ARAF: variants seen among roughly 807,000 people sequenced by gnomAD.
ARAF encodes the protein A-Raf proto-oncogene, serine/threonine kinase.
Under a neutral mutation model 48.0 loss-of-function variants are expected in ARAF, and 18 were observed. That is an observed-to-expected ratio of 0.37 (90% CI 0.26 to 0.56). The LOEUF (loss-of-function observed/expected upper bound fraction) is 0.56, where lower values mean the gene tolerates loss of function less well. Among genes scored for constraint, ARAF ranks in the 20% least tolerant of loss-of-function variants. ARAF has a pLI of 0.77. For synonymous variants in ARAF, 207 were observed against 220.1 expected (o/e 0.94, Z 0.53); for missense variants, 389 against 543.1 (o/e 0.72, Z 2.82).
Position 47,568,987 on chromosome X carries a change from C to T in ARAF, c.1254C>T (p.Asp418=), listed in dbSNP as rs772382146. The T allele has an allele frequency of 8.3e-7, 1 of 1,204,352 alleles. No homozygotes were observed. Among genetic ancestry groups the T allele is most frequent in the Non-Finnish European group, 1.1e-6 (1 of 891,974 alleles). ...CCGCCACCTGCCTCCACCCCCACAGCTACCTCCATGCCAAGAACATCATCC... is the reference window on the plus strand; with the variant it reads ...CCGCCACCTGCCTCCACCCCCACAGTTACCTCCATGCCAAGAACATCATCC... ...DVARQTAQGM[D]YLHAKNIIHR... The change falls in exon 12 of 16, where the codon GAC becomes GAT. Residue 418 remains aspartate, a splice_region_variant and synonymous_variant. Transcript: ENST00000377045.
chrX:47,567,290 C>G lies in ARAF; in HGVS notation c.934C>G (p.Leu312Val), dbSNP rs143311445. ...GGAGGTACCACCCAGTGAGGTGCAG[C>G]TGCTGAAGAGGATCGGGACGGGCTC... ...YWEVPPSEVQ[L>V]LKRIGTGSFG... Residue 312 changes from leucine (L) to valine (V), a missense_variant, in exon 10 of 16, where the codon CTG becomes GTG. Physicochemically the swap from Leu to Val is conservative, Grantham distance 32. Around this residue, in one of 4 missense-constraint regions of ARAF, gnomAD observed 170 missense variants for 281.4 expected, o/e 0.60. Transcript: ENST00000377045. The G allele has an allele frequency of 2.2e-4, 262 of 1,209,708 alleles. No individual in the cohort carries two copies. Among genetic ancestry groups the G allele is most frequent in the Non-Finnish European group, 2.8e-4 (255 of 895,160 alleles).
intron 12 of ARAF, 34 bp downstream of exon 12, chrX:47,569,067 G>T: frequency 8.5e-7 from 1 of 1,173,187 alleles, no homozygotes; most frequent in Non-Finnish European, 1.1e-6. Context: ...GGTTGAGTGG[G>T]GGTGTCAAGG....
chrX:47,568,702 C>CCCT lies in ARAF; in HGVS notation c.1077-13_1077-11dup. 1 of 1,206,870 alleles carries CCCT rather than the reference C, an allele frequency of 8.3e-7. No homozygotes were observed. Among genetic ancestry groups the CCCT allele is most frequent in the Non-Finnish European group, 1.1e-6 (1 of 891,628 alleles). ...TTTTTCCTCCCCACCTCTGACACTG[C>CCCT]CCTCCCTGCCTGCAGGAAGACGCGA... On this transcript the variant is annotated splice_polypyrimidine_tract_variant and intron_variant, in intron 10 of 15. Coordinates refer to ENST00000377045, the MANE Select transcript of ARAF (RefSeq NM_001654.5).
Position 47,562,898 on chromosome X carries a change from CCTT to C in ARAF, c.-59-7_-59-5del. On this transcript the variant is annotated splice_region_variant and splice_polypyrimidine_tract_variant and intron_variant, in intron 1 of 15. Transcript: ENST00000377045. Reference sequence around the variant, plus strand: ...TATTGGACCTCTGAATTCTTGTCTGCCTTCTTGTAGGAGCCCCATGGCACCTGC... The same window carrying C: ...TATTGGACCTCTGAATTCTTGTCTGCCTTGTAGGAGCCCCATGGCACCTGC... 1 of 839,565 alleles carries C rather than the reference CCTT, an allele frequency of 1.2e-6. No individual in the cohort carries two copies. Among genetic ancestry groups the C allele is most frequent in the Non-Finnish European group, 1.7e-6 (1 of 601,480 alleles). The allele number at this position is 839,565 out of a possible 1,213,427, so 69.2% of individuals were successfully genotyped here. A position where few individuals can be genotyped will look rare whatever the true frequency, so the allele number is the denominator to read the frequency against.
At position 47,566,795 on chromosome X, in the gene ARAF, G is replaced by A. The variant is rs2057734948; in HGVS notation, c.699+15G>A. ...ACCTCATCCAGGTTGGTGCTGTGGG[G>A]GACAATGCCGGGGACCACAGGGCAG... On this transcript the variant is annotated intron_variant, in intron 7 of 15. Transcript: ENST00000377045. 1.2e-5 allele frequency: 15 copies of A among 1,210,980 alleles called. No individual in the cohort carries two copies. The highest frequency in any genetic ancestry group is 1.7e-5 in the Non-Finnish European group (15 of 895,051).
At chrX:47,569,763 C>T (rs1190293620) in intron 13 of ARAF, 106 bp downstream of exon 13, 1 of 1,093,031 alleles carries the variant, frequency 9.1e-7, no homozygotes, top group East Asian at 3.1e-5. Flanking sequence ...ATGTGGGTGT[C>T]TGGACTCCTC....
Position 47,569,034 on chromosome X carries a change from GTATC to G in ARAF, c.1300+7_1300+10del. On this transcript the variant is annotated splice_donor_variant and splice_donor_5th_base_variant and intron_variant, in intron 12 of 15. Transcript: ENST00000377045. LOFTEE classifies it high-confidence loss of function. The stretch of plus-strand genomic sequence containing the variant: ...ATCCACCGAGATCTCAAGTCTAACA[GTATC>G]TATCTGTCCCTGGGCTGGGGTTGAG... 1 of 1,197,564 alleles carries G rather than the reference GTATC, an allele frequency of 8.4e-7. No individual in the cohort carries two copies. Among genetic ancestry groups the G allele is most frequent in the Non-Finnish European group, 1.1e-6 (1 of 888,305 alleles).
chrX:47,571,313 C>T lies in ARAF; in HGVS notation c.1687-10C>T, dbSNP rs2057757212. On this transcript the variant is annotated splice_polypyrimidine_tract_variant and intron_variant, in intron 15 of 15. Transcript: ENST00000377045. ...TCTGGACACCCCTCCTCACCCCCAC[C>T]TGCCCTCAGATCCTGGCCACAATTG... 2 of 1,204,281 alleles carry T rather than the reference C, an allele frequency of 1.7e-6. No individual in the cohort carries two copies. The highest frequency in any genetic ancestry group is 2.2e-6 in the Non-Finnish European group (2 of 892,257).
intron 1 of ARAF, among the ~76,000 whole-genome samples, chrX:47,561,730 C>T (rs1268912056): frequency 9.3e-6 from 1 of 107,815 alleles, no homozygotes; most frequent in Non-Finnish European, 1.9e-5. Context: ...CAGTTTAGAC[C>T]AGTAATATGC....
chrX:47,563,737 G>T (rs2057720371), intron 3 of ARAF, among the ~76,000 whole-genome samples: 1 of 112,214 alleles, frequency 8.9e-6, no homozygotes, highest in African/African-American at 3.2e-5. Context: ...CTCAGCATAT[G>T]ATTTTCTTTT....
At chrX:47,569,268 G>A (rs2057745426) in intron 12 of ARAF, among the ~76,000 whole-genome samples, 1 of 111,960 alleles carries the variant, frequency 8.9e-6, no homozygotes, top group Admixed American at 9.4e-5. Flanking sequence ...TCTGACAGTT[G>A]TGGAGGGCAT....
At chrX:47,564,638 G>A (rs2057724431) in intron 3 of ARAF, among the ~76,000 whole-genome samples, 159 bp from the exon 4 acceptor site, 1 of 112,055 alleles carries the variant, frequency 8.9e-6, no homozygotes, top group Admixed American at 9.4e-5. Context: ...GTAAAGTTGG[G>A]GCAAGGATAG....
rs763604914 is a variant in ARAF at position 47,567,403 on chromosome X, G to C, written c.1047G>C (p.Gln349His). The stretch of plus-strand genomic sequence containing the variant: ...CCCAGCCCACAGCTGAGCAGGCCCA[G>C]GCTTTCAAGAATGAGATGCAGGTGC... The part of the protein sequence containing the change: ...KVSQPTAEQA[Q>H]AFKNEMQVLR... Residue 349 changes from glutamine (Q) to histidine (H), a missense_variant, in exon 10 of 16, where the codon CAG becomes CAC. By Grantham distance (24) the Gln-to-His change is conservative (BLOSUM62 0). Transcript: ENST00000377045. 8.3e-7 allele frequency: 1 copy of C among 1,207,946 alleles called. No homozygotes were observed. Among genetic ancestry groups the C allele is most frequent in the Admixed American group, 2.2e-5 (1 of 45,646 alleles).
chrX:47,569,760 T>C, intron 13 of ARAF, 103 bp downstream of exon 13: 1 of 1,088,699 alleles, frequency 9.2e-7, no homozygotes, highest in Non-Finnish European at 1.2e-6. Context: ...CAGATGTGGG[T>C]GTCTGGACTC....
At chrX:47,571,212 GGT>G (rs753017950) in intron 15 of ARAF, 109 bp from the exon 16 acceptor site, 48,565 of 478,866 alleles carry the variant, frequency 0.1, 32 homozygotes, top group East Asian at 0.17. Context: ...GGGACTGTTG[GGT>G]GTGTGTGTGT....
At chrX:47,566,804 C>T (rs752936098) in intron 7 of ARAF, 24 bp downstream of exon 7, 34 of 1,209,271 alleles carry the variant, frequency 2.8e-5, no homozygotes, top group East Asian at 2.4e-4. Flanking sequence ...GGGACAATGC[C>T]GGGGACCACA....
rs753515210 is a variant in ARAF at position 47,567,406 on chromosome X, T to C, written c.1050T>C (p.Ala350=). 2.3e-5 allele frequency: 28 copies of C among 1,205,433 alleles called. No individual in the cohort carries two copies. Among genetic ancestry groups the C allele is most frequent in the Non-Finnish European group, 3.0e-5 (27 of 892,975 alleles). The change falls in exon 10 of 16, where the codon GCT becomes GCC. Residue 350 remains alanine (A), a synonymous_variant. Transcript: ENST00000377045. ...AGCCCACAGCTGAGCAGGCCCAGGC[T>C]TTCAAGAATGAGATGCAGGTGCTCA... is the stretch of plus-strand genomic sequence containing the variant. ...VSQPTAEQAQ[A]FKNEMQVLRK... is the part of the protein sequence containing the mutation.
chrX:47,569,660 G>A lies in ARAF; in HGVS notation c.1419+3G>A, dbSNP rs1221492116. The A allele has an allele frequency of 3.3e-6, 4 of 1,205,902 alleles. No homozygotes were observed. The highest frequency in any genetic ancestry group is 3.0e-5 in the East Asian group (1 of 33,786). ...CCTCAGGATCTGTGCTGTGGATGGT[G>A]AGTTGGGCCAGGCTGGATGGGGGGC... On this transcript the variant is annotated splice_donor_region_variant and intron_variant, in intron 13 of 15. Coordinates refer to ENST00000377045, the MANE Select transcript of ARAF (RefSeq NM_001654.5).
At chrX:47,570,419 A>G (rs1402323342) in intron 14 of ARAF, among the ~76,000 whole-genome samples, 1 of 108,798 alleles carries the variant, frequency 9.2e-6, no homozygotes, top group Admixed American at 9.8e-5. Flanking sequence ...CCAGCATCCC[A>G]TTTTTCCCCA....
Sources: gnomAD v4.1 joint callset for allele counts (sites outside exome capture counted in the v4.1 genomes callset) on GRCh38, gnomAD v4.1.1 for gene constraint, gnomAD v4.1.1 regional missense constraint, MANE v1.5 for transcripts, NCBI Gene and HGNC (gene_info 2026-07-23, HGNC 2026-07-21) for gene names.